The following ERC2 variants were observed in gnomAD, a reference collection of about 807,000 sequenced individuals.
ERC2 encodes ERC protein 2.
ERC2 carries 42 observed loss-of-function variants against 114.8 expected under a neutral mutation model. That is an observed-to-expected ratio of 0.37 (90% CI 0.29 to 0.47). The LOEUF (loss-of-function observed/expected upper bound fraction) is 0.47, where lower values mean the gene tolerates loss of function less well. Among genes scored for constraint, ERC2 ranks in the 20% least tolerant of loss-of-function variants. The probability of loss-of-function intolerance (pLI) is 0.99; values close to 1 mark genes in which losing one functional copy is unlikely to be tolerated. For missense variants in ERC2, 939 were observed against 1,150.7 expected (o/e 0.82, Z 2.66); for synonymous variants, 454 against 425.5 (o/e 1.07, Z -0.82).
At chr3:55,992,396 G>T in intron 10 of ERC2, 146 bp from the exon 11 acceptor site, 1 of 583,416 alleles carries the variant, frequency 1.7e-6, no homozygotes, top group South Asian at 3.2e-5. Flanking sequence ...AGGCAAAATA[G>T]AAAAATCACA....
chr3:56,049,110 T>A (rs1001255313), intron 7 of ERC2, among the ~76,000 whole-genome samples: 3 of 151,988 alleles, frequency 2.0e-5, no homozygotes, highest in African/African-American at 7.3e-5. Context: ...TGATAGAGGA[T>A]GTTGGAGAAT....
intron 6 of ERC2, among the ~76,000 whole-genome samples, chr3:56,101,353 T>C (rs758308312): frequency 7.0e-6 from 1 of 142,444 alleles, no homozygotes; most frequent in Non-Finnish European, 1.5e-5. Context: ...AGAGACTGTT[T>C]TCCTTCAAAG....
At chr3:56,073,759 C>A (rs36074269) in intron 7 of ERC2, among the ~76,000 whole-genome samples, 45 of 152,146 alleles carry the variant, frequency 3.0e-4, no homozygotes, top group Non-Finnish European at 4.7e-4. Flanking sequence ...CTCAAATCAT[C>A]TTTTGAGGTC....
In ERC2 at chr3:55,578,811, C is replaced by G. The variant is rs1033699452; in HGVS notation, c.*40-67535G>C. On this transcript the variant is annotated intron_variant, in intron 17 of 17. Coordinates refer to ENST00000288221, the MANE Select transcript of ERC2 (RefSeq NM_015576.3). ...GCTCTTTCACACATTTGGGGCTTGG[C>G]TGGCTGTGACCTGGTCTAGGGTGGT... Among the ~76,000 whole-genome samples, 6 of 152,276 alleles carry G rather than the reference C, an allele frequency of 3.9e-5. No individual in the cohort carries two copies. In the South Asian group the frequency reaches 1.2e-3, roughly 32 times the overall value.
At chr3:55,578,342 C>T (rs2057090813) in intron 17 of ERC2, among the ~76,000 whole-genome samples, 1 of 152,146 alleles carries the variant, frequency 6.6e-6, no homozygotes, top group Non-Finnish European at 1.5e-5. Context: ...TTACCAGTCC[C>T]TAAAGCCCAC....
At chr3:56,457,888 T>G (rs1036739296) in intron 1 of ERC2, among the ~76,000 whole-genome samples, 4 of 152,182 alleles carry the variant, frequency 2.6e-5, no homozygotes, top group Non-Finnish European at 4.4e-5. Flanking sequence ...TCATTCTTCA[T>G]CCATGACTCT....
chr3:56,414,135 C>G (rs11925715), intron 2 of ERC2, among the ~76,000 whole-genome samples: 24 of 152,016 alleles, frequency 1.6e-4, no homozygotes, highest in African/African-American at 5.1e-4. Flanking sequence ...GCTCCTCCCC[C>G]GCAAAGCATG....
intron 3 of ERC2, among the ~76,000 whole-genome samples, chr3:56,285,056 C>T (rs1202492892): frequency 1.3e-5 from 2 of 150,846 alleles, no homozygotes; most frequent in African/African-American, 4.9e-5. Context: ...CACACACACA[C>T]ACACACACAC....
At chr3:56,272,948 T>A (rs975790268) in intron 3 of ERC2, among the ~76,000 whole-genome samples, 1 of 152,176 alleles carries the variant, frequency 6.6e-6, no homozygotes, top group Non-Finnish European at 1.5e-5. Context: ...GTCTCACGTA[T>A]AAAAGGGGTA....
chr3:55,572,182 C>T (rs1028018990), intron 17 of ERC2, among the ~76,000 whole-genome samples: 2 of 152,200 alleles, frequency 1.3e-5, no homozygotes, highest in African/African-American at 4.8e-5. Context: ...CAGGGAGCGT[C>T]GCCTTTTATG....
intron 15 of ERC2, among the ~76,000 whole-genome samples, chr3:55,713,091 T>G (rs2063859205): frequency 6.9e-6 from 1 of 144,054 alleles, no homozygotes; most frequent in Non-Finnish European, 1.5e-5. Flanking sequence ...TTAGTTCCTC[T>G]GCCATTCTCT....
intron 8 of ERC2, 30 bp downstream of exon 8, chr3:56,018,864 T>C (rs761111008): frequency 6.2e-7 from 1 of 1,604,024 alleles, no homozygotes; most frequent in South Asian, 1.1e-5. Flanking sequence ...CCCCATATCC[T>C]GATTCCCCAG....
At chr3:55,544,019 C>G (rs1442386037) in intron 17 of ERC2, among the ~76,000 whole-genome samples, 3 of 152,182 alleles carry the variant, frequency 2.0e-5, no homozygotes, top group Admixed American at 2.0e-4. Context: ...GGTCCCAGTG[C>G]TCAGCCCTCA....
rs144921817 is a variant in ERC2 at position 56,171,691 on chromosome 3, A to G, written c.1149+1755T>C. 4.8e-3 allele frequency among the ~76,000 whole-genome samples: 732 copies of G among 152,190 alleles called. 11 individuals are homozygous for G. The highest frequency in any genetic ancestry group is 0.016 in the African/African-American group (684 of 41,570). ...TTTATAATAAAACATAATGCTAAAA[A>G]CAACAAACTAGGATCAAACAGATTT... On this transcript the variant is annotated intron_variant, in intron 4 of 17. Coordinates refer to ENST00000288221, the MANE Select transcript of ERC2 (RefSeq NM_015576.3).
At chr3:56,449,147 G>A (rs1027987242) in intron 1 of ERC2, among the ~76,000 whole-genome samples, 2 of 151,080 alleles carry the variant, frequency 1.3e-5, no homozygotes, top group South Asian at 2.1e-4. Flanking sequence ...GATCTGTAAC[G>A]TCACACATAT....
intron 17 of ERC2, among the ~76,000 whole-genome samples, chr3:55,632,517 C>G (rs867459421): frequency 1.3e-5 from 2 of 152,200 alleles, no homozygotes; most frequent in Non-Finnish European, 2.9e-5. Flanking sequence ...GCTCTCTATT[C>G]TCTTAAGTTT....
intron 14 of ERC2, among the ~76,000 whole-genome samples, chr3:55,831,142 C>CAAAAA (rs576800724): frequency 9.4e-6 from 1 of 105,848 alleles, no homozygotes; most frequent in African/African-American, 3.4e-5. Context: ...CCCCTCTCTA[C>CAAAAA]AAAAAAAAAA....
At chr3:56,158,557 T>C (rs2081868119) in intron 4 of ERC2, among the ~76,000 whole-genome samples, 1 of 152,178 alleles carries the variant, frequency 6.6e-6, no homozygotes, top group Non-Finnish European at 1.5e-5. Flanking sequence ...TGCCAGGATT[T>C]TCCCATGCCT....
At chr3:55,861,329 AC>A (rs913456062) in intron 14 of ERC2, among the ~76,000 whole-genome samples, 2 of 152,202 alleles carry the variant, frequency 1.3e-5, no homozygotes, top group African/African-American at 4.8e-5. Context: ...AGCTGGTTGC[AC>A]CCCAAGATAT....
Sources: allele counts gnomAD v4.1 joint callset (sites outside exome capture counted in the v4.1 genomes callset), GRCh38; gene constraint gnomAD v4.1.1; transcripts MANE v1.5; gene names NCBI Gene and HGNC (gene_info 2026-07-23, HGNC 2026-07-21).